Variants in LIPK observed in about 807,000 individuals in gnomAD.
LIPK encodes lipase member K.
Under a neutral mutation model 48.6 loss-of-function variants are expected in LIPK, and 32 were observed. That is an observed-to-expected ratio of 0.66 (90% CI 0.50 to 0.88). The LOEUF (loss-of-function observed/expected upper bound fraction) is 0.88. Ranked by LOEUF, LIPK falls within the 40% of genes least tolerant of loss-of-function variation. The pLI, the probability that LIPK is intolerant of heterozygous loss-of-function variation, is 0.00. For synonymous variants in LIPK, 164 were observed against 157.4 expected, an observed-to-expected ratio of 1.04 and a Z score of -0.32; for missense variants, 507 against 478.5, an observed-to-expected ratio of 1.06 and a Z score of -0.56.
chr10:88,736,070 G>A (rs995674803), intron 6 of LIPK, among the ~76,000 whole-genome samples: 2 of 151,834 alleles, frequency 1.3e-5, no homozygotes, highest in Non-Finnish European at 2.9e-5. Flanking sequence ...AATATTAATG[G>A]AATAAAAGAA....
At chr10:88,708,529 TGTAA>T (rs1296832604) in intron 1 of LIPK, among the ~76,000 whole-genome samples, 1 of 152,086 alleles carries the variant, frequency 6.6e-6, no homozygotes, top group Non-Finnish European at 1.5e-5. Context: ...TGCAAAACTC[TGTAA>T]GTGACTGCAA....
chr10:88,722,889 C>CTTTTT lies in LIPK; in HGVS notation c.-11-1636_-11-1632dup, dbSNP rs398014386. ...AATTGTTTTTCTTCTTTTCTTTTTTCTTTTTTTTTTTTGACAGGGTTTCAC... is the reference window on the plus strand; with the variant it reads ...AATTGTTTTTCTTCTTTTCTTTTTTCTTTTTTTTTTTTTTTTTGACAGGGTTTCAC... On this transcript the variant is annotated intron_variant, in intron 1 of 9. Transcript: ENST00000404190. Among the ~76,000 whole-genome samples, 28 of 113,172 alleles carry CTTTTT rather than the reference C, an allele frequency of 2.5e-4. 2 individuals carry two copies. The East Asian group carries it at 2.6e-3, about 10-fold the overall frequency. 74.2% of individuals were successfully genotyped at this position (113,172 alleles called of 152,430 possible).
At chr10:88,747,505 A>G (rs774447581) in intron 9 of LIPK, among the ~76,000 whole-genome samples, 2 of 152,314 alleles carry the variant, frequency 1.3e-5, no homozygotes, top group Middle Eastern at 3.4e-3. Flanking sequence ...AAACAGAACT[A>G]AAAACAAAAA....
chr10:88,729,461 T>G (rs1367332752), intron 3 of LIPK, among the ~76,000 whole-genome samples: 1 of 152,218 alleles, frequency 6.6e-6, no homozygotes, highest in African/African-American at 2.4e-5. Flanking sequence ...GAGCCAATTA[T>G]TTCCCAAAAT....
intron 1 of LIPK, among the ~76,000 whole-genome samples, chr10:88,713,471 CA>C (rs35999447): frequency 0.26 from 39,236 of 151,984 alleles, 5,115 homozygotes; most frequent in Admixed American, 0.32. Context: ...CAAGAAAATA[CA>C]GTTCTGAAAG....
At chr10:88,746,341 C>T (rs1842765674) in intron 9 of LIPK, among the ~76,000 whole-genome samples, 1 of 152,086 alleles carries the variant, frequency 6.6e-6, no homozygotes, top group Admixed American at 6.6e-5. Flanking sequence ...CTCATGTGCA[C>T]ATGGCATATA....
At chr10:88,745,526 C>A (rs2134784836) in intron 9 of LIPK, among the ~76,000 whole-genome samples, 1 of 152,228 alleles carries the variant, frequency 6.6e-6, no homozygotes, top group Admixed American at 6.5e-5. Flanking sequence ...CACATACAGA[C>A]AAACTAAGCT....
At chr10:88,747,280 A>C (rs186694647) in intron 9 of LIPK, among the ~76,000 whole-genome samples, 374 of 152,296 alleles carry the variant, frequency 2.5e-3, no homozygotes, top group Middle Eastern at 0.014. Flanking sequence ...AGCATCCATC[A>C]TTCTGATGCC....
chr10:88,711,138 T>A (rs369033333), intron 1 of LIPK, among the ~76,000 whole-genome samples: 125 of 152,312 alleles, frequency 8.2e-4, no homozygotes, highest in African/African-American at 3.0e-3. Flanking sequence ...GTCCATTTTT[T>A]AAATTTAATT....
chr10:88,731,316 T>G, intron 4 of LIPK, 135 bp downstream of exon 4: 2 of 741,670 alleles, frequency 2.7e-6, no homozygotes, highest in South Asian at 5.1e-5. Flanking sequence ...CCTTTCTTTC[T>G]CTACCCAAAC....
chr10:88,737,539 C>T lies in LIPK; in HGVS notation c.670-96C>T, dbSNP rs1842597012. On this transcript the variant is annotated intron_variant, in intron 6 of 9. Transcript: ENST00000404190. ...CTAAGGACCAACACTGAGCAGATGT[C>T]ACCTAATACTGTGCAGTCCTTCTTT... The T allele has an allele frequency of 3.2e-6, 4 of 1,268,956 alleles. No homozygotes were observed. In the South Asian group the frequency reaches 4.1e-5, roughly 13 times the overall value. The allele number at this position is 1,268,956 out of a possible 1,614,324, so 78.6% of individuals were successfully genotyped here. A position where few individuals can be genotyped will look rare whatever the true frequency, so the allele number is the denominator to read the frequency against.
At chr10:88,728,665 G>A in intron 3 of LIPK, 2 of 478,752 alleles carry the variant, frequency 4.2e-6, no homozygotes, top group South Asian at 1.6e-5. Context: ...GGCGAGGAGA[G>A]CCCGCTGGAG....
Position 88,743,290 on chromosome 10 carries a change from A to G in LIPK, c.929A>G (p.Asn310Ser), listed in dbSNP as rs1173664206. 3.8e-6 allele frequency: 6 copies of G among 1,594,278 alleles called. No individual in the cohort carries two copies. The highest frequency in any genetic ancestry group is 5.1e-6 in the Non-Finnish European group (6 of 1,168,628). ...SGQLQAFDWG[N>S]SDQNMMHFHQ... ...CAGCTCCAAGCTTTTGATTGGGGAAACTCTGATCAGAACATGATGCACTTC... is the reference window on the plus strand; with the variant it reads ...CAGCTCCAAGCTTTTGATTGGGGAAGCTCTGATCAGAACATGATGCACTTC... The change falls in exon 9 of 10, where the codon AAC (asparagine) becomes AGC (serine). Residue 310 changes from asparagine to serine, a missense_variant. Physicochemically the swap from Asn to Ser is conservative, Grantham distance 46. Coordinates refer to ENST00000404190, the MANE Select transcript of LIPK (RefSeq NM_001080518.2).
chr10:88,732,762 T>C (rs955741052), intron 6 of LIPK, among the ~76,000 whole-genome samples: 1 of 152,258 alleles, frequency 6.6e-6, no homozygotes, highest in Non-Finnish European at 1.5e-5. Context: ...TCTTCATCTA[T>C]GTCTAGAAAC....
At chr10:88,733,478 G>A (rs1043331704) in intron 6 of LIPK, among the ~76,000 whole-genome samples, 1 of 152,212 alleles carries the variant, frequency 6.6e-6, no homozygotes, top group Admixed American at 6.5e-5. Context: ...TGAGAGCTAA[G>A]CAAATTAGCC....
intron 1 of LIPK, among the ~76,000 whole-genome samples, chr10:88,714,915 G>C (rs916555081): frequency 4.6e-5 from 7 of 151,218 alleles, no homozygotes; most frequent in Non-Finnish European, 1.0e-4. Context: ...ATATTAATTT[G>C]ATTCTCTTTT....
chr10:88,709,859 A>G (rs1019425642), intron 1 of LIPK, among the ~76,000 whole-genome samples: 4 of 152,136 alleles, frequency 2.6e-5, no homozygotes, highest in Admixed American at 2.6e-4. Flanking sequence ...CAAAGTTAGA[A>G]AAGGAGACCC....
At position 88,752,616 on chromosome 10, in the gene LIPK, T is replaced by G. The variant is rs1175732879; in HGVS notation, c.1060T>G (p.Leu354Val). 21 of 1,572,474 alleles carry G rather than the reference T, an allele frequency of 1.3e-5. No homozygotes were observed. The highest frequency in any genetic ancestry group is 1.5e-5 in the Non-Finnish European group (17 of 1,156,638). Residue 354 changes from leucine to valine, a missense_variant, in exon 10 of 10, where the codon TTA (leucine) becomes GTA (valine). Leu to Val is a conservative substitution (Grantham distance 32, BLOSUM62 1). Coordinates refer to ENST00000404190, the MANE Select transcript of LIPK (RefSeq NM_001080518.2). ...IVADPKDVEN[L>V]LPQIANLIYY... ...GGCTGATCCCAAGGATGTTGAAAAT[T>G]TACTTCCTCAAATTGCTAACCTTAT...
At chr10:88,748,226 GAC>G (rs1279941353) in intron 9 of LIPK, among the ~76,000 whole-genome samples, 2 of 152,224 alleles carry the variant, frequency 1.3e-5, no homozygotes, top group East Asian at 3.9e-4. Context: ...AGAACACATG[GAC>G]ACAGAGAGGG....
Sources: gnomAD v4.1 joint callset for allele counts (sites outside exome capture counted in the v4.1 genomes callset) on GRCh38, gnomAD v4.1.1 for gene constraint, MANE v1.5 for transcripts, NCBI Gene and HGNC (gene_info 2026-07-23, HGNC 2026-07-21) for gene names.